ABCG2: variants seen among roughly 807,000 people sequenced by gnomAD.
ABCG2 encodes broad substrate specificity ATP-binding cassette transporter ABCG2.
In ABCG2, 80 loss-of-function variants were observed where a neutral mutation model predicts 73.5. That is an observed-to-expected ratio of 1.09 (90% confidence interval 0.91 to 1.31). The LOEUF (loss-of-function observed/expected upper bound fraction) is 1.31. Among genes scored for constraint, ABCG2 ranks in the 50% most tolerant of loss-of-function variants. The probability of loss-of-function intolerance (pLI) is 0.00; values close to 1 mark genes in which losing one functional copy is unlikely to be tolerated. For missense variants in ABCG2, 796 were observed against 786.2 expected (o/e 1.01, Z -0.15); for synonymous variants, 269 against 282.4 (o/e 0.95, Z 0.48).
At chr4:88,145,670 T>C (rs1725938074) in intron 1 of ABCG2, among the ~76,000 whole-genome samples, 1 of 152,162 alleles carries the variant, frequency 6.6e-6, no homozygotes, top group African/African-American at 2.4e-5. Context: ...CCAGGTGCGG[T>C]GGCTCTTGCC....
intron 1 of ABCG2, among the ~76,000 whole-genome samples, chr4:88,225,585 G>T (rs777385171): frequency 1.1e-4 from 16 of 152,200 alleles, no homozygotes; most frequent in Admixed American, 2.6e-4. Context: ...CTCCATAGGA[G>T]GTAGACTGTA....
At chr4:88,230,343 ATAT>A in intron 1 of ABCG2, among the ~76,000 whole-genome samples, 1 of 91,076 alleles carries the variant, frequency 1.1e-5, no homozygotes, top group Admixed American at 1.1e-4. Flanking sequence ...ATATATATAT[ATAT>A]TTTTTGAGAC....
At chr4:88,130,827 C>T (rs553016880) in intron 5 of ABCG2, among the ~76,000 whole-genome samples, 1 of 152,282 alleles carries the variant, frequency 6.6e-6, no homozygotes, top group East Asian at 1.9e-4. Flanking sequence ...AACACTTTCA[C>T]GTACAACACC....
chr4:88,225,201 A>C, intron 1 of ABCG2, among the ~76,000 whole-genome samples: 1 of 152,224 alleles, frequency 6.6e-6, no homozygotes, highest in Non-Finnish European at 1.5e-5. Flanking sequence ...TGGGCTTCAC[A>C]GGCTGTATTG....
chr4:88,158,842 A>G (rs2231135), upstream of ABCG2: 18,435 of 334,338 alleles, frequency 0.055, 625 homozygotes, highest in Non-Finnish European at 0.064. Flanking sequence ...CCAGGGGACG[A>G]GCTCAGGCAG....
At chr4:88,140,409 T>A (rs1451715433) in intron 1 of ABCG2, among the ~76,000 whole-genome samples, 1 of 152,152 alleles carries the variant, frequency 6.6e-6, no homozygotes, top group African/African-American at 2.4e-5. Flanking sequence ...AGAATCTCTG[T>A]ATTTTTTTTC....
At chr4:88,094,782 AGTCTTT>A in intron 14 of ABCG2, 123 bp from the exon 15 acceptor site, 1 of 777,260 alleles carries the variant, frequency 1.3e-6, no homozygotes, top group South Asian at 1.7e-5. Context: ...ACATATTCAC[AGTCTTT>A]GTCTCACCAA....
chr4:88,129,381 T>C (rs1724679347), intron 5 of ABCG2, among the ~76,000 whole-genome samples: 1 of 152,190 alleles, frequency 6.6e-6, no homozygotes, highest in Non-Finnish European at 1.5e-5. Context: ...AGTAACATAT[T>C]TTAAATGTAT....
intron 1 of ABCG2, among the ~76,000 whole-genome samples, chr4:88,165,665 G>A (rs896554652): frequency 6.6e-6 from 1 of 152,186 alleles, no homozygotes; most frequent in African/African-American, 2.4e-5. Flanking sequence ...TACGAGGTCA[G>A]GAGTTCAAGA....
chr4:88,162,870 C>A (rs1727368756), upstream of ABCG2, among the ~76,000 whole-genome samples: 1 of 152,152 alleles, frequency 6.6e-6, no homozygotes, highest in Admixed American at 6.5e-5. Flanking sequence ...CAGGACCTTT[C>A]TTTTATTTTA....
At chr4:88,122,599 G>C (rs1457209665) in intron 5 of ABCG2, among the ~76,000 whole-genome samples, 2 of 152,180 alleles carry the variant, frequency 1.3e-5, no homozygotes, top group Non-Finnish European at 2.9e-5. Flanking sequence ...ACTGTAGCCA[G>C]ACTGCCTCTC....
Position 88,121,772 on chromosome 4 carries a change from A to G in ABCG2, c.552T>C (p.Arg184=). The G allele has an allele frequency of 1.2e-6, 2 of 1,612,744 alleles. No homozygotes were observed. The highest frequency in any genetic ancestry group is 1.7e-4 in the Middle Eastern group (1 of 6,054). ...TTTTTCTTTCTCCTCCAGACACACC[A>G]CGGATAAACTGAGTTCCAACCTAAA... ...ADSKVGTQFI[R]GVSGGERKRT... is the part of the protein sequence containing the mutation. The change falls in exon 6 of 16, where the codon CGT becomes CGC. Residue 184 remains arginine, a synonymous_variant. Transcript: ENST00000237612.
chr4:88,099,730 G>T (rs2110184307), intron 11 of ABCG2, among the ~76,000 whole-genome samples: 1 of 152,318 alleles, frequency 6.6e-6, no homozygotes, highest in African/African-American at 2.4e-5. Flanking sequence ...CAGGGAAACA[G>T]ATTCCACACA....
At chr4:88,143,619 G>A (rs1259973473) in intron 1 of ABCG2, among the ~76,000 whole-genome samples, 1 of 152,060 alleles carries the variant, frequency 6.6e-6, no homozygotes, top group Admixed American at 6.6e-5. Flanking sequence ...TGCCTTTCCT[G>A]TGATAGGATT....
intron 1 of ABCG2, among the ~76,000 whole-genome samples, chr4:88,206,211 G>A (rs191610100): frequency 6.6e-6 from 1 of 152,062 alleles, no homozygotes; most frequent in Non-Finnish European, 1.5e-5. Flanking sequence ...CCAGCATTTT[G>A]GGAGGCCAAG....
At chr4:88,202,719 C>CT (rs928351462) in intron 1 of ABCG2, among the ~76,000 whole-genome samples, 4 of 151,812 alleles carry the variant, frequency 2.6e-5, no homozygotes, top group African/African-American at 9.7e-5. Flanking sequence ...ACTTGGCTGT[C>CT]TCAGTAGTAC....
chr4:88,154,671 G>A (rs1019887323), intron 1 of ABCG2, among the ~76,000 whole-genome samples: 2 of 152,172 alleles, frequency 1.3e-5, no homozygotes, highest in Admixed American at 1.3e-4. Context: ...TAGTCATGGG[G>A]GTCAGGTGTG....
intron 1 of ABCG2, chr4:88,220,651 T>C (rs1729982065): frequency 6.6e-6 from 1 of 152,566 alleles, no homozygotes; most frequent in Non-Finnish European, 1.5e-5. Flanking sequence ...GGTAGACCAG[T>C]GATATGGTTT....
intron 1 of ABCG2, among the ~76,000 whole-genome samples, chr4:88,209,668 C>CA: frequency 6.6e-6 from 1 of 151,498 alleles, no homozygotes; most frequent in South Asian, 2.1e-4. Context: ...CAAAAAAAAA[C>CA]AAAAAACAAA....
Sources: gnomAD v4.1 joint callset for allele counts (sites outside exome capture counted in the v4.1 genomes callset) on GRCh38, gnomAD v4.1.1 for gene constraint, MANE v1.5 for transcripts, NCBI Gene and HGNC (gene_info 2026-07-23, HGNC 2026-07-21) for gene names.